ANKRD17: variants seen among roughly 807,000 people sequenced by gnomAD.
ANKRD17 encodes ankyrin repeat domain-containing protein 17.
In ANKRD17, 19 loss-of-function variants were observed where a neutral mutation model predicts 229.7. That is an observed-to-expected ratio of 0.08 (90% CI 0.06 to 0.12). The LOEUF (loss-of-function observed/expected upper bound fraction) is 0.12, where lower values mean the gene tolerates loss of function less well. ANKRD17 is among the 10% of genes least tolerant of loss of function. ANKRD17 has a pLI of 1.00. For synonymous variants in ANKRD17, 1,112 were observed against 1,146.1 expected (o/e 0.97, Z 0.60); for missense variants, 2,176 against 3,176.8 (o/e 0.68, Z 7.57).
At chr4:73,133,986 T>C (rs1728578988) in intron 16 of ANKRD17, among the ~76,000 whole-genome samples, 1 of 152,216 alleles carries the variant, frequency 6.6e-6, no homozygotes, top group African/African-American at 2.4e-5. Flanking sequence ...TAAGAGTAGC[T>C]ACATCATGTA....
chr4:73,086,510 T>C (rs1157662953), intron 29 of ANKRD17, among the ~76,000 whole-genome samples: 1 of 152,088 alleles, frequency 6.6e-6, no homozygotes, highest in African/African-American at 2.4e-5. Flanking sequence ...CACACTAAAC[T>C]ATTACACAAG....
intron 24 of ANKRD17, among the ~76,000 whole-genome samples, chr4:73,107,693 C>T (rs1034868605): frequency 5.0e-4 from 76 of 152,250 alleles, no homozygotes; most frequent in Middle Eastern, 3.4e-3. Flanking sequence ...TAAGTTAGAA[C>T]TGGACCCAGT....
chr4:73,108,000 T>C (rs1351697593), intron 24 of ANKRD17, among the ~76,000 whole-genome samples: 1 of 152,176 alleles, frequency 6.6e-6, no homozygotes, highest in Non-Finnish European at 1.5e-5. Flanking sequence ...GTGATTAAGA[T>C]TATATATCTA....
At chr4:73,115,440 G>A (rs185979779) in intron 23 of ANKRD17, among the ~76,000 whole-genome samples, 2 of 152,210 alleles carry the variant, frequency 1.3e-5, no homozygotes, top group East Asian at 3.9e-4. Context: ...ATAGGCACAT[G>A]CCAACATGCC....
At chr4:73,108,488 G>A (rs1387441504) in intron 24 of ANKRD17, among the ~76,000 whole-genome samples, 1 of 152,148 alleles carries the variant, frequency 6.6e-6, no homozygotes, top group Non-Finnish European at 1.5e-5. Context: ...GGGGAGAAGA[G>A]GAGGAACCAG....
chr4:73,115,879 A>C lies in ANKRD17; in HGVS notation c.4226T>G (p.Val1409Gly). The C allele has an allele frequency of 6.2e-7, 1 of 1,613,670 alleles. No homozygotes were observed. ...VKVVRYLVKE[V>G]NQFPSDSECM... ...TTCAGAATCTGATGGAAACTGATTG[A>C]CTTCTTTGACTAAGTAGCGCACCAC... Residue 1409 changes from valine to glycine, a missense_variant, in exon 23 of 34, where the codon GTC becomes GGC. Coordinates refer to ENST00000358602, the MANE Select transcript of ANKRD17 (RefSeq NM_032217.5).
intron 15 of ANKRD17, among the ~76,000 whole-genome samples, chr4:73,136,684 C>T (rs1040167120): frequency 2.0e-5 from 3 of 151,860 alleles, no homozygotes; most frequent in East Asian, 1.9e-4. Flanking sequence ...TTGTATGTTA[C>T]GAAAAGATCA....
chr4:73,090,415 G>C (rs1429036663), intron 29 of ANKRD17, among the ~76,000 whole-genome samples: 1 of 151,820 alleles, frequency 6.6e-6, no homozygotes, highest in South Asian at 2.1e-4. Context: ...GTCTCAAAAA[G>C]CAAACAAACA....
At chr4:73,120,388 T>C in intron 20 of ANKRD17, 51 bp from the exon 21 acceptor site, 1 of 1,529,752 alleles carries the variant, frequency 6.5e-7, no homozygotes, top group Non-Finnish European at 8.9e-7. Context: ...ACTGGAAAGA[T>C]CTAAAATTGT....
chr4:73,111,099 C>G (rs1451448153), intron 24 of ANKRD17, among the ~76,000 whole-genome samples: 4 of 152,176 alleles, frequency 2.6e-5, no homozygotes, highest in African/African-American at 9.7e-5. Flanking sequence ...TGAGTAAGTA[C>G]ATTCCAAGAT....
At chr4:73,121,210 T>C (rs1214996891) in intron 19 of ANKRD17, 116 bp from the exon 20 acceptor site, 2 of 933,312 alleles carry the variant, frequency 2.1e-6, no homozygotes, top group African/African-American at 1.7e-5. Context: ...GTTTAAAATA[T>C]CCATTTTTCT....
chr4:73,225,629 C>T (rs908527858), intron 1 of ANKRD17, among the ~76,000 whole-genome samples: 10 of 151,942 alleles, frequency 6.6e-5, no homozygotes, highest in South Asian at 2.1e-4. Context: ...GAGGCCCAGG[C>T]GGGCAGATCA....
At chr4:73,137,763 T>C (rs1214411375) in intron 15 of ANKRD17, among the ~76,000 whole-genome samples, 3 of 152,196 alleles carry the variant, frequency 2.0e-5, no homozygotes, top group Non-Finnish European at 1.5e-5. Context: ...CAAGCATCTG[T>C]CATATTTCCT....
intron 1 of ANKRD17, among the ~76,000 whole-genome samples, chr4:73,254,772 A>G (rs1745317271): frequency 1.3e-5 from 2 of 151,094 alleles, no homozygotes. Flanking sequence ...CCGTCTCCAA[A>G]AAAAAAAAAA....
intron 3 of ANKRD17, among the ~76,000 whole-genome samples, chr4:73,159,283 T>C (rs1732185020): frequency 6.6e-6 from 1 of 152,216 alleles, no homozygotes; most frequent in Non-Finnish European, 1.5e-5. Flanking sequence ...AGAGCATACC[T>C]TTTCTCTCTT....
At chr4:73,164,833 T>C (rs1733021209) in intron 2 of ANKRD17, among the ~76,000 whole-genome samples, 2 of 151,080 alleles carry the variant, frequency 1.3e-5, no homozygotes, top group African/African-American at 4.8e-5. Flanking sequence ...GATTATTATT[T>C]CCAAATGCTC....
intron 1 of ANKRD17, among the ~76,000 whole-genome samples, chr4:73,217,358 T>A (rs1343501757): frequency 6.6e-6 from 1 of 152,166 alleles, no homozygotes; most frequent in Non-Finnish European, 1.5e-5. Context: ...TCCCCATTAA[T>A]TCTCCCAAAA....
chr4:73,220,709 C>A (rs1267021875), intron 1 of ANKRD17, among the ~76,000 whole-genome samples: 1 of 152,032 alleles, frequency 6.6e-6, no homozygotes, highest in Non-Finnish European at 1.5e-5. Flanking sequence ...AAAAAAGAGT[C>A]TAATATTTAT....
intron 2 of ANKRD17, among the ~76,000 whole-genome samples, chr4:73,164,902 ATTAT>A (rs1733031695): frequency 6.7e-6 from 1 of 149,988 alleles, no homozygotes; most frequent in Non-Finnish European, 1.5e-5. Context: ...ACATTAAAAT[ATTAT>A]TTATATTATT....
Sources: gnomAD v4.1 joint callset for allele counts (sites outside exome capture counted in the v4.1 genomes callset) on GRCh38, gnomAD v4.1.1 for gene constraint, MANE v1.5 for transcripts, NCBI Gene and HGNC (gene_info 2026-07-23, HGNC 2026-07-21) for gene names.